The following THADA variants were observed in gnomAD, a reference collection of about 807,000 sequenced individuals.
The protein encoded by THADA is THADA armadillo repeat containing, also known as tRNA (32-2'-O)-methyltransferase regulator THADA.
In THADA, 213 loss-of-function variants were observed where a neutral mutation model predicts 219.8. That is an observed-to-expected ratio of 0.97 (90% CI 0.87 to 1.09). The LOEUF is 1.09. THADA is among the 50% of genes least tolerant of loss of function. The pLI is 0.00. For synonymous variants in THADA, 1,018 were observed against 828.9 expected (o/e 1.23, Z -3.92); for missense variants, 2,956 against 2,311.3 (o/e 1.28, Z -5.72).
intron 29 of THADA, among the ~76,000 whole-genome samples, chr2:43,362,209 G>T (rs11901237): frequency 6.6e-6 from 1 of 152,132 alleles, no homozygotes; most frequent in African/African-American, 2.4e-5. Flanking sequence ...GTGTGTATTA[G>T]TCTCACAAAA....
intron 30 of THADA, among the ~76,000 whole-genome samples, chr2:43,324,238 G>A (rs1327983022): frequency 2.6e-5 from 4 of 152,268 alleles, no homozygotes; most frequent in Admixed American, 6.5e-5. Flanking sequence ...AAAGGTTGAC[G>A]ATCTTTAGAG....
At chr2:43,287,372 G>GCAAC (rs564398432) in intron 34 of THADA, among the ~76,000 whole-genome samples, 57 of 152,168 alleles carry the variant, frequency 3.7e-4, no homozygotes, top group Non-Finnish European at 6.8e-4. Context: ...TTGGCTCACT[G>GCAAC]CAACCTCTGC....
Position 43,570,469 on chromosome 2 carries a change from T to C in THADA, c.2106A>G (p.Lys702=). 6.2e-7 allele frequency: 1 copy of C among 1,613,320 alleles called. No homozygotes were observed. The highest frequency in any genetic ancestry group is 1.3e-5 in the African/African-American group (1 of 75,030). ...RIQESSQVLY[K]LEQSKSKREP... is the part of the protein sequence containing the mutation. ...CACGTTTGGATTTACTCTGCTCCAA[T>C]TTATAAAGTACCTGAGAACTTTCCT... is the stretch of plus-strand genomic sequence containing the variant. Residue 702 remains lysine, a synonymous_variant, in exon 14 of 38, where the codon AAA becomes AAG. Coordinates refer to ENST00000405975, the MANE Select transcript of THADA (RefSeq NM_022065.5).
At chr2:43,515,186 A>AATATATAATATATAATATTTT (rs1691389832) in intron 22 of THADA, among the ~76,000 whole-genome samples, 1 of 21,334 alleles carries the variant, frequency 4.7e-5, no homozygotes, top group African/African-American at 2.3e-4. Context: ...TATTATATAT[A>AATATATAATATATAATATTTT]ATATATTATA....
chr2:43,432,860 AT>A (rs1679549195), intron 26 of THADA, among the ~76,000 whole-genome samples: 1 of 152,128 alleles, frequency 6.6e-6, no homozygotes, highest in Non-Finnish European at 1.5e-5. Context: ...CTCATTTTTA[AT>A]AGGTTGCTTT....
intron 30 of THADA, among the ~76,000 whole-genome samples, chr2:43,326,564 AT>A (rs1162703867): frequency 6.6e-6 from 1 of 152,210 alleles, no homozygotes; most frequent in Non-Finnish European, 1.5e-5. Context: ...ATATAATCAA[AT>A]ATAAGGAGAG....
At chr2:43,535,471 G>A (rs905123967) in intron 21 of THADA, among the ~76,000 whole-genome samples, 1 of 151,050 alleles carries the variant, frequency 6.6e-6, no homozygotes, top group African/African-American at 2.4e-5. Context: ...CTGAGGTCAG[G>A]AGTCTGAGAC....
chr2:43,548,690 TC>T (rs1696368284), intron 20 of THADA, among the ~76,000 whole-genome samples: 1 of 152,078 alleles, frequency 6.6e-6, no homozygotes, highest in Non-Finnish European at 1.5e-5. Flanking sequence ...GGATATAATC[TC>T]CTGGTGCGCT....
intron 26 of THADA, among the ~76,000 whole-genome samples, chr2:43,471,034 G>A (rs1684846274): frequency 6.6e-6 from 1 of 152,162 alleles, no homozygotes; most frequent in Non-Finnish European, 1.5e-5. Context: ...GAGTCTATAG[G>A]CCTACTGAAA....
At chr2:43,556,617 G>C in intron 16 of THADA, 62 bp from the exon 17 acceptor site, 1 of 1,492,968 alleles carries the variant, frequency 6.7e-7, no homozygotes, top group Non-Finnish European at 9.1e-7. Flanking sequence ...TAAAAAAATA[G>C]TAAATTTTTT....
intron 28 of THADA, among the ~76,000 whole-genome samples, chr2:43,410,356 A>C (rs1676129883): frequency 6.6e-6 from 1 of 152,208 alleles, no homozygotes; most frequent in Admixed American, 6.5e-5. Flanking sequence ...ATATATACTC[A>C]CCACGCAGCT....
intron 36 of THADA, among the ~76,000 whole-genome samples, chr2:43,248,158 TATATATAGAGAG>T (rs1306907597): frequency 4.6e-3 from 302 of 65,012 alleles, no homozygotes; most frequent in Non-Finnish European, 6.1e-3. Flanking sequence ...TATATATATA[TATATATAGAGAG>T]AGAGAGAGAG....
intron 5 of THADA, 55 bp downstream of exon 5, chr2:43,586,799 T>C (rs1701072921): frequency 6.2e-7 from 1 of 1,611,168 alleles, no homozygotes; most frequent in Non-Finnish European, 8.5e-7. Flanking sequence ...ATTTAAAAAC[T>C]ATGATGTGAT....
At position 43,578,613 on chromosome 2, in the gene THADA, T is replaced by A. The variant is rs374782814; in HGVS notation, c.722-6A>T. The A allele has an allele frequency of 3.2e-6, 5 of 1,578,874 alleles. No individual in the cohort carries two copies. In the Admixed American group the frequency reaches 5.5e-5, roughly 17 times the overall value. On this transcript the variant is annotated splice_polypyrimidine_tract_variant and splice_region_variant and intron_variant, in intron 8 of 37. Coordinates refer to ENST00000405975, the MANE Select transcript of THADA (RefSeq NM_022065.5). ...TACAGTCTGTAACAGATCATCTATTTGGCAAAAAAGGAGAGAAGCTTGTGT... is the reference window on the plus strand; with the variant it reads ...TACAGTCTGTAACAGATCATCTATTAGGCAAAAAAGGAGAGAAGCTTGTGT...
At chr2:43,314,461 G>C (rs1311283934) in intron 31 of THADA, among the ~76,000 whole-genome samples, 1 of 152,182 alleles carries the variant, frequency 6.6e-6, no homozygotes, top group Non-Finnish European at 1.5e-5. Flanking sequence ...TTCAGTAGCT[G>C]TGACAGACAC....
intron 35 of THADA, among the ~76,000 whole-genome samples, chr2:43,285,597 C>T (rs1485543556): frequency 1.3e-5 from 2 of 148,724 alleles, no homozygotes; most frequent in Non-Finnish European, 3.0e-5. Context: ...TGGAGTTTTG[C>T]TCCTTGCCCA....
At chr2:43,317,208 G>A (rs1037147382) in intron 31 of THADA, among the ~76,000 whole-genome samples, 5 of 152,188 alleles carry the variant, frequency 3.3e-5, no homozygotes, top group African/African-American at 1.2e-4. Context: ...GCTAATAATG[G>A]AGGCAGATAT....
intron 29 of THADA, among the ~76,000 whole-genome samples, chr2:43,372,666 C>T (rs952484620): frequency 6.6e-6 from 1 of 152,134 alleles, no homozygotes; most frequent in African/African-American, 2.4e-5. Context: ...TGTTTCATGT[C>T]ACCAAAAAGG....
intron 26 of THADA, among the ~76,000 whole-genome samples, chr2:43,452,883 C>T (rs1682514287): frequency 1.3e-5 from 2 of 152,150 alleles, no homozygotes; most frequent in East Asian, 1.9e-4. Context: ...TTAAGAGACT[C>T]TTCCTAATAT....
Sources: gnomAD v4.1 joint callset for allele counts (sites outside exome capture counted in the v4.1 genomes callset) on GRCh38, gnomAD v4.1.1 for gene constraint, MANE v1.5 for transcripts, NCBI Gene and HGNC (gene_info 2026-07-23, HGNC 2026-07-21) for gene names.